Variants in LDLRAD3 observed in about 807,000 individuals in gnomAD.
LDLRAD3 encodes low density lipoprotein receptor class A domain containing 3.
A neutral mutation model predicts 29.4 loss-of-function variants in LDLRAD3; 20 were observed. That is an observed-to-expected ratio of 0.68 (90% CI 0.48 to 0.99). The LOEUF (loss-of-function observed/expected upper bound fraction) is 0.99. Ranked by LOEUF, LDLRAD3 falls within the 50% of genes least tolerant of loss-of-function variation. The pLI is 0.00. For synonymous variants in LDLRAD3, 157 were observed against 192.7 expected (o/e 0.81, Z 1.53); for missense variants, 420 against 454.3 (o/e 0.92, Z 0.69).
intron 1 of LDLRAD3, chr11:35,997,526 A>G (rs1565151238): frequency 5.6e-6 from 2 of 355,802 alleles, no homozygotes; most frequent in Non-Finnish European, 5.4e-6. Flanking sequence ...CCTTCCAGTC[A>G]CCGGTTGCCT....
intron 2 of LDLRAD3, among the ~76,000 whole-genome samples, chr11:36,058,346 G>A (rs77935744): frequency 0.015 from 2,263 of 152,264 alleles, 64 homozygotes; most frequent in African/African-American, 0.052. Context: ...CACGCTTCTG[G>A]TCAGTCTTGG....
intron 1 of LDLRAD3, among the ~76,000 whole-genome samples, chr11:36,001,491 T>C (rs188524500): frequency 4.4e-4 from 67 of 152,330 alleles, no homozygotes; most frequent in African/African-American, 1.6e-3. Flanking sequence ...GTAGTTTCTT[T>C]ATAAAAAAAT....
chr11:36,169,688 TTATC>T (rs1854567004), intron 4 of LDLRAD3, among the ~76,000 whole-genome samples: 1 of 152,226 alleles, frequency 6.6e-6, no homozygotes. Context: ...CACATTTTCT[TTATC>T]TATTCATCCA....
At chr11:35,999,759 G>A (rs534975180) in intron 1 of LDLRAD3, among the ~76,000 whole-genome samples, 69 of 152,276 alleles carry the variant, frequency 4.5e-4, no homozygotes, top group Middle Eastern at 3.4e-3. Flanking sequence ...TGGATCAAAG[G>A]CCCCCTGTGG....
intron 4 of LDLRAD3, among the ~76,000 whole-genome samples, chr11:36,120,913 G>GA (rs1853746490): frequency 6.6e-6 from 1 of 152,184 alleles, no homozygotes; most frequent in African/African-American, 2.4e-5. Flanking sequence ...GACACAGTGA[G>GA]AAGACACTGT....
chr11:36,230,969 G>C lies in LDLRAD3; in HGVS notation c.*1572G>C, dbSNP rs944639883. 2 of 152,166 alleles carry C rather than the reference G, an allele frequency of 1.3e-5. No individual in the cohort carries two copies. The highest frequency in any genetic ancestry group is 4.8e-5 in the African/African-American group (2 of 41,302). The allele number at this position is 152,166 out of a possible 1,614,324, so 9.4% of individuals were successfully genotyped here. A position where few individuals can be genotyped will look rare whatever the true frequency, so the allele number is the denominator to read the frequency against. Reference sequence around the variant, plus strand: ...GTGCTAGTTTTTCTTTTTTTTCTCTGTGTCCAGTCAGCCACAGGGCCCGCC... The same window carrying C: ...GTGCTAGTTTTTCTTTTTTTTCTCTCTGTCCAGTCAGCCACAGGGCCCGCC... On this transcript the variant is annotated 3_prime_UTR_variant, in exon 6 of 6. Transcript: ENST00000315571.
At chr11:36,063,903 G>A (rs1033251640) in intron 2 of LDLRAD3, among the ~76,000 whole-genome samples, 2 of 152,094 alleles carry the variant, frequency 1.3e-5, no homozygotes, top group Non-Finnish European at 1.5e-5. Flanking sequence ...AGAGTCCCTT[G>A]AATCTCCATA....
At chr11:36,112,409 A>C (rs893924077) in intron 4 of LDLRAD3, among the ~76,000 whole-genome samples, 3 of 152,230 alleles carry the variant, frequency 2.0e-5, no homozygotes, top group Non-Finnish European at 2.9e-5. Flanking sequence ...ATTTAAAAGT[A>C]AACGTGAATT....
chr11:36,097,378 G>A (rs1393017005), intron 3 of LDLRAD3, among the ~76,000 whole-genome samples: 5 of 152,212 alleles, frequency 3.3e-5, no homozygotes, highest in Non-Finnish European at 7.3e-5. Flanking sequence ...AGAGAGGTGC[G>A]TCAATCCCTG....
chr11:36,127,490 G>C (rs899388605), intron 4 of LDLRAD3, among the ~76,000 whole-genome samples: 1 of 152,172 alleles, frequency 6.6e-6, no homozygotes, highest in Non-Finnish European at 1.5e-5. Context: ...AGGAAGATGT[G>C]ATTAATATTT....
At chr11:35,987,610 T>C (rs1325001267) in intron 1 of LDLRAD3, among the ~76,000 whole-genome samples, 3 of 152,244 alleles carry the variant, frequency 2.0e-5, no homozygotes, top group Non-Finnish European at 4.4e-5. Flanking sequence ...TATGGCTGTG[T>C]ATGTAGTAGT....
At chr11:36,119,064 T>C (rs1263500767) in intron 4 of LDLRAD3, among the ~76,000 whole-genome samples, 2 of 152,094 alleles carry the variant, frequency 1.3e-5, no homozygotes, top group Non-Finnish European at 2.9e-5. Flanking sequence ...CTTGGGGAAT[T>C]GTTAGTGTAG....
At chr11:36,024,633 C>A (rs1852139992) in intron 1 of LDLRAD3, among the ~76,000 whole-genome samples, 1 of 152,222 alleles carries the variant, frequency 6.6e-6, no homozygotes, top group South Asian at 2.1e-4. Flanking sequence ...TTGCCTTCCC[C>A]CATCCTGCAC....
chr11:36,070,150 G>A (rs186657623), intron 2 of LDLRAD3, among the ~76,000 whole-genome samples: 1 of 152,304 alleles, frequency 6.6e-6, no homozygotes, highest in Non-Finnish European at 1.5e-5. Context: ...CCACACAACT[G>A]ACTCAGCACC....
intron 4 of LDLRAD3, among the ~76,000 whole-genome samples, chr11:36,167,996 C>T (rs1565274324): frequency 6.6e-6 from 1 of 152,084 alleles, no homozygotes; most frequent in African/African-American, 2.4e-5. Context: ...GTCAGGAATC[C>T]CCTCCTCTTT....
At chr11:36,175,937 T>C (rs1281179078) in intron 4 of LDLRAD3, among the ~76,000 whole-genome samples, 1 of 152,324 alleles carries the variant, frequency 6.6e-6, no homozygotes, top group East Asian at 1.9e-4. Context: ...TGTTGCTGTC[T>C]ATCTCATTTC....
chr11:36,182,609 G>A (rs142559725), intron 4 of LDLRAD3, among the ~76,000 whole-genome samples: 7 of 152,180 alleles, frequency 4.6e-5, no homozygotes. Context: ...GCATTTGCAG[G>A]CCTAGGAGAT....
chr11:36,118,645 T>C (rs754089403), intron 4 of LDLRAD3, among the ~76,000 whole-genome samples: 5 of 152,096 alleles, frequency 3.3e-5, no homozygotes, highest in Non-Finnish European at 7.4e-5. Flanking sequence ...AGTCAATAAG[T>C]ATATTATTTT....
chr11:36,116,286 G>C (rs867448234), intron 4 of LDLRAD3, among the ~76,000 whole-genome samples: 38 of 152,284 alleles, frequency 2.5e-4, no homozygotes, highest in African/African-American at 7.7e-4. Context: ...AGCTGACAAG[G>C]GTTTTCTTTT....
Sources: gnomAD v4.1 joint callset for allele counts (sites outside exome capture counted in the v4.1 genomes callset) on GRCh38, gnomAD v4.1.1 for gene constraint, MANE v1.5 for transcripts, NCBI Gene and HGNC (gene_info 2026-07-23, HGNC 2026-07-21) for gene names.